WWC1: variants seen among roughly 807,000 people sequenced by gnomAD.
WWC1 encodes the protein WW and C2 domain containing 1.
Under a neutral mutation model 138.4 loss-of-function variants are expected in WWC1, and 55 were observed. The observed-to-expected ratio is 0.40, with a 90% CI of 0.32 to 0.50. WWC1 has a LOEUF of 0.50. Among genes scored for constraint, WWC1 ranks in the 20% least tolerant of loss-of-function variants. The probability of loss-of-function intolerance (pLI) is 0.72; values close to 1 mark genes in which losing one functional copy is unlikely to be tolerated. For missense variants in WWC1, 1,226 were observed against 1,420.4 expected (o/e 0.86, Z 2.20); for synonymous variants, 524 against 564.9 (o/e 0.93, Z 1.03).
chr5:168,397,838 G>A (rs369459665), intron 4 of WWC1, 38 bp downstream of exon 4: 8 of 1,610,398 alleles, frequency 5.0e-6, no homozygotes, highest in Middle Eastern at 1.7e-4. Flanking sequence ...CTAGTGATTG[G>A]GGCCACTGAG....
At chr5:168,410,699 T>C (rs930170352) in intron 8 of WWC1, among the ~76,000 whole-genome samples, 2 of 150,952 alleles carry the variant, frequency 1.3e-5, no homozygotes, top group African/African-American at 2.4e-5. Context: ...CCACTACCCT[T>C]GGCTGAGATT....
At chr5:168,304,258 T>C (rs933196840) in intron 1 of WWC1, among the ~76,000 whole-genome samples, 1 of 152,202 alleles carries the variant, frequency 6.6e-6, no homozygotes, top group Non-Finnish European at 1.5e-5. Context: ...CCACTTCTTG[T>C]TTCTCTCTGA....
intron 3 of WWC1, among the ~76,000 whole-genome samples, chr5:168,389,556 C>G (rs1471769962): frequency 6.8e-6 from 1 of 147,038 alleles, no homozygotes; most frequent in Non-Finnish European, 1.5e-5. Context: ...CGTACTCCCT[C>G]TTTAAGTCTC....
intron 5 of WWC1, among the ~76,000 whole-genome samples, chr5:168,400,206 G>A (rs887207454): frequency 6.6e-6 from 1 of 152,000 alleles, no homozygotes; most frequent in East Asian, 1.9e-4. Context: ...TGAAGTTCGG[G>A]GTACATGTGC....
At chr5:168,437,253 C>T (rs1782425538) in intron 15 of WWC1, among the ~76,000 whole-genome samples, 1 of 152,180 alleles carries the variant, frequency 6.6e-6, no homozygotes, top group African/African-American at 2.4e-5. Context: ...CTTATCCCCT[C>T]CTAGCCCCTT....
intron 5 of WWC1, among the ~76,000 whole-genome samples, chr5:168,401,035 GGA>G (rs1300107867): frequency 1.3e-5 from 2 of 151,394 alleles, no homozygotes; most frequent in African/African-American, 2.4e-5. Context: ...AGAAAGAGAA[GGA>G]GAGAGAGAGA....
At chr5:168,428,851 G>A in intron 13 of WWC1, 64 bp downstream of exon 13, 1 of 1,568,182 alleles carries the variant, frequency 6.4e-7, no homozygotes, top group Non-Finnish European at 8.8e-7. Context: ...TTCATCCACA[G>A]CGTTCCCCAG....
rs2152899628 is a variant in WWC1 at position 168,469,288 on chromosome 5, T to C, written c.*271T>C. ...ATAGTTTGTATATTTAGGAGTGTAT[T>C]TTTGGGAAAGAAAATTTAAATGAAC... On this transcript the variant is annotated 3_prime_UTR_variant, in exon 23 of 23. Coordinates refer to ENST00000265293, the MANE Select transcript of WWC1 (RefSeq NM_015238.3). The C allele has an allele frequency of 7.0e-6, 3 of 425,736 alleles. No individual in the cohort carries two copies. The highest frequency in any genetic ancestry group is 4.2e-5 in the South Asian group (1 of 23,668). 26.4% of individuals were successfully genotyped at this position (425,736 alleles called of 1,614,324 possible).
chr5:168,364,473 A>G (rs2152802397), intron 1 of WWC1, among the ~76,000 whole-genome samples: 1 of 151,836 alleles, frequency 6.6e-6, no homozygotes, highest in African/African-American at 2.4e-5. Context: ...AGCCACATAC[A>G]CTCCCATGGA....
At chr5:168,368,574 C>A (rs1776502024) in intron 1 of WWC1, among the ~76,000 whole-genome samples, 1 of 152,174 alleles carries the variant, frequency 6.6e-6, no homozygotes, top group African/African-American at 2.4e-5. Context: ...CCAGAATGAT[C>A]TCTCTGGTGG....
intron 1 of WWC1, among the ~76,000 whole-genome samples, chr5:168,298,245 G>T (rs1030459784): frequency 6.6e-6 from 1 of 151,938 alleles, no homozygotes; most frequent in Non-Finnish European, 1.5e-5. Flanking sequence ...CACCATGTTG[G>T]CCAGGCTGGT....
intron 1 of WWC1, among the ~76,000 whole-genome samples, chr5:168,324,483 G>A (rs1319754217): frequency 1.3e-5 from 2 of 152,094 alleles, no homozygotes; most frequent in Non-Finnish European, 2.9e-5. Flanking sequence ...ATATCAGGTG[G>A]AAACTTAGAT....
In WWC1 at chr5:168,428,716, T is replaced by C; in HGVS notation, c.1929T>C (p.Ala643=). The C allele has an allele frequency of 6.2e-7, 1 of 1,613,996 alleles. No individual in the cohort carries two copies. The highest frequency in any genetic ancestry group is 8.5e-7 in the Non-Finnish European group (1 of 1,179,920). ...CCCTGTTGCCTTTCAGACTGGGTGC[T>C]TCAGAAGCTGCTGCATTTGACAGTG... ...VYEASVQRLG[A]SEAAAFDSDE... The change falls in exon 13 of 23, where the codon GCT becomes GCC. Residue 643 remains alanine (A), a synonymous_variant. Coordinates refer to ENST00000265293, the MANE Select transcript of WWC1 (RefSeq NM_015238.3).
At chr5:168,391,390 G>A (rs909913604) in intron 3 of WWC1, among the ~76,000 whole-genome samples, 3 of 152,160 alleles carry the variant, frequency 2.0e-5, no homozygotes, top group Admixed American at 6.5e-5. Context: ...ACCAGGCGCG[G>A]TGGCTCACGC....
rs1022069859 is a variant in WWC1, at chr5:168,404,799, C to G, written c.591-1399C>G. Among the ~76,000 whole-genome samples the G allele has an allele frequency of 4.6e-5, 7 of 152,122 alleles. No homozygotes were observed. In the East Asian group the frequency reaches 9.7e-4, roughly 21 times the overall value. On this transcript the variant is annotated intron_variant, in intron 5 of 22. Coordinates refer to ENST00000265293, the MANE Select transcript of WWC1 (RefSeq NM_015238.3). ...TTAAAATGCATCTCTGCCCCTGGAC[C>G]TTTTTGACACCTCGGCCCTCCTTCT... is the stretch of plus-strand genomic sequence containing the variant.
At chr5:168,297,878 C>T (rs1424273930) in intron 1 of WWC1, among the ~76,000 whole-genome samples, 1 of 152,082 alleles carries the variant, frequency 6.6e-6, no homozygotes, top group African/African-American at 2.4e-5. Flanking sequence ...TTGCATTCAT[C>T]GTGCGTCACA....
intron 15 of WWC1, among the ~76,000 whole-genome samples, chr5:168,435,280 C>T (rs914887852): frequency 5.3e-5 from 8 of 152,100 alleles, no homozygotes; most frequent in African/African-American, 1.4e-4. Context: ...AGGCCACCAC[C>T]CCCATTTTCT....
At chr5:168,310,839 A>AAAAAAAAAAACAG (rs1771008611) in intron 1 of WWC1, among the ~76,000 whole-genome samples, 1 of 152,080 alleles carries the variant, frequency 6.6e-6, no homozygotes, top group Non-Finnish European at 1.5e-5. Context: ...CCCTGTCTAA[A>AAAAAAAAAAACAG]AAAAAAGCAT....
chr5:168,407,399 C>T (rs73392734), intron 6 of WWC1, among the ~76,000 whole-genome samples: 9,224 of 152,218 alleles, frequency 0.061, 324 homozygotes, highest in African/African-American at 0.098. Flanking sequence ...TCTCTTACCC[C>T]CTGTACATAT....
Sources: allele counts gnomAD v4.1 joint callset (sites outside exome capture counted in the v4.1 genomes callset), GRCh38; gene constraint gnomAD v4.1.1; transcripts MANE v1.5; gene names NCBI Gene and HGNC (gene_info 2026-07-23, HGNC 2026-07-21).